The following DHRSX variants were observed in gnomAD, a reference collection of about 807,000 sequenced individuals.
DHRSX encodes polyprenol dehydrogenase.
A neutral mutation model predicts 34.0 loss-of-function variants in DHRSX; 31 were observed. That is an observed-to-expected ratio of 0.91 (90% CI 0.69 to 1.23). The LOEUF (loss-of-function observed/expected upper bound fraction) is 1.23. DHRSX is among the 50% of genes most tolerant of loss of function. The pLI, the probability that DHRSX is intolerant of heterozygous loss-of-function variation, is 0.00. For synonymous variants in DHRSX, 201 were observed against 183.8 expected, an observed-to-expected ratio of 1.09 and a Z score of -0.76; for missense variants, 414 against 428.1, an observed-to-expected ratio of 0.97 and a Z score of 0.29.
At position 2,491,865 on chromosome X, in the gene DHRSX, G is replaced by A. The variant is rs2045156004; in HGVS notation, c.109+8952C>T. Among the ~76,000 whole-genome samples the A allele has an allele frequency of 3.9e-5, 6 of 152,230 alleles. No individual in the cohort carries two copies. The South Asian group carries it at 1.0e-3, about 26-fold the overall frequency. The stretch of plus-strand genomic sequence containing the variant: ...GGAGGCTTAGATGACCCAGAAGCCA[G>A]TCCCCAGGGTTCCTGTTGAGGTTGA... On this transcript the variant is annotated intron_variant, in intron 1 of 6. Coordinates refer to ENST00000334651, the MANE Select transcript of DHRSX (RefSeq NM_145177.3).
intron 5 of DHRSX, among the ~76,000 whole-genome samples, chrX:2,246,706 G>GAGAAAGAAAGAAAGAA (rs997986324): frequency 0.014 from 1,460 of 107,422 alleles, 37 homozygotes; most frequent in East Asian, 0.058. Flanking sequence ...AAGAAAGAAA[G>GAGAAAGAAAGAAAGAA]AGAAAGAAAG....
chrX:2,425,356 A>C, intron 1 of DHRSX, 52 bp from the exon 2 acceptor site: 1 of 1,504,306 alleles, frequency 6.6e-7, no homozygotes, highest in Non-Finnish European at 9.2e-7. Flanking sequence ...AGCAGAGCAC[A>C]TATTTGTAAG....
At chrX:2,314,448 G>A (rs867165944) in intron 3 of DHRSX, among the ~76,000 whole-genome samples, 2 of 108,114 alleles carry the variant, frequency 1.8e-5, no homozygotes, top group African/African-American at 1.1e-4. Context: ...GAAGGAAGGG[G>A]AGAAGGGAGG....
At chrX:2,321,176 T>C (rs1301979516) in intron 3 of DHRSX, among the ~76,000 whole-genome samples, 3 of 152,148 alleles carry the variant, frequency 2.0e-5, no homozygotes, top group African/African-American at 7.2e-5. Flanking sequence ...TATAAATAAA[T>C]GTTTGCACTG....
intron 4 of DHRSX, among the ~76,000 whole-genome samples, chrX:2,286,689 G>T (rs1231449271): frequency 1.0e-5 from 1 of 95,356 alleles, no homozygotes; most frequent in Non-Finnish European, 2.8e-5. Flanking sequence ...TGTACCCACA[G>T]AGGAAAAAAA....
At chrX:2,387,784 G>A (rs1342746415) in intron 3 of DHRSX, among the ~76,000 whole-genome samples, 1 of 149,372 alleles carries the variant, frequency 6.7e-6, no homozygotes, top group Non-Finnish European at 1.5e-5. Context: ...GTTTACAGAG[G>A]AAATAGTTAG....
chrX:2,339,382 G>A (rs1404785512), intron 3 of DHRSX, among the ~76,000 whole-genome samples: 4 of 151,846 alleles, frequency 2.6e-5, no homozygotes, highest in Non-Finnish European at 5.9e-5. Flanking sequence ...AAGGTAATCC[G>A]CTCGCCTCAG....
At position 2,314,483 on chromosome X, in the gene DHRSX, A is replaced by AAGGAAGGAAGGG. The variant is rs1602927702; in HGVS notation, c.287-22881_287-22880insCCCTTCCTTCCT. On this transcript the variant is annotated intron_variant, in intron 3 of 6. Coordinates refer to ENST00000334651, the MANE Select transcript of DHRSX (RefSeq NM_145177.3). Reference sequence around the variant, plus strand: ...GAAGGAAGGGGAGAAGGAAGGAAGGAAGGAAGGGAGGTAAAGGAGGTAAGG... The same window carrying AAGGAAGGAAGGG: ...GAAGGAAGGGGAGAAGGAAGGAAGGAAGGAAGGAAGGGAGGAAGGGAGGTAAAGGAGGTAAGG... Among the ~76,000 whole-genome samples, 134 of 46,048 alleles carry AAGGAAGGAAGGG rather than the reference A, an allele frequency of 2.9e-3. 10 individuals carry two copies. The highest frequency in any genetic ancestry group is 4.2e-3 in the Non-Finnish European group (90 of 21,342). 30.2% of individuals were successfully genotyped at this position (46,048 alleles called of 152,430 possible).
intron 3 of DHRSX, among the ~76,000 whole-genome samples, chrX:2,305,316 C>T (rs1322762146): frequency 2.0e-5 from 3 of 151,870 alleles, no homozygotes; most frequent in Non-Finnish European, 2.9e-5. Flanking sequence ...GTTAGAAGGG[C>T]GATCATTAAA....
chrX:2,382,039 G>A (rs2043209769), intron 3 of DHRSX, among the ~76,000 whole-genome samples: 1 of 152,174 alleles, frequency 6.6e-6, no homozygotes. Context: ...CTCCTGCATA[G>A]TGCAAAACAT....
At chrX:2,233,493 A>T (rs139491051) in intron 6 of DHRSX, among the ~76,000 whole-genome samples, 4 of 152,196 alleles carry the variant, frequency 2.6e-5, no homozygotes, top group Non-Finnish European at 5.9e-5. Flanking sequence ...GCATCTTTGA[A>T]GTTCCAGACG....
intron 3 of DHRSX, among the ~76,000 whole-genome samples, chrX:2,393,086 T>C (rs1212257148): frequency 6.8e-6 from 1 of 147,316 alleles, no homozygotes; most frequent in African/African-American, 2.5e-5. Context: ...ATTTAATATA[T>C]ACATTGAACA....
intron 1 of DHRSX, among the ~76,000 whole-genome samples, chrX:2,452,350 T>A: frequency 6.6e-6 from 1 of 151,428 alleles, no homozygotes; most frequent in Non-Finnish European, 1.5e-5. Flanking sequence ...AGACGTTCCC[T>A]AGGCATGTGG....
chrX:2,236,634 G>A (rs1280757650), intron 6 of DHRSX, among the ~76,000 whole-genome samples: 3 of 152,150 alleles, frequency 2.0e-5, no homozygotes, highest in Admixed American at 1.3e-4. Context: ...GTTTCACCAC[G>A]TTGGCCAGGC....
intron 3 of DHRSX, among the ~76,000 whole-genome samples, chrX:2,315,771 C>A (rs1183167336): frequency 2.0e-5 from 3 of 152,122 alleles, no homozygotes; most frequent in African/African-American, 7.2e-5. Flanking sequence ...TCAGACAAAG[C>A]TGAGATGACA....
At chrX:2,469,094 C>T (rs1303821757) in intron 1 of DHRSX, among the ~76,000 whole-genome samples, 1 of 151,744 alleles carries the variant, frequency 6.6e-6, no homozygotes, top group South Asian at 2.1e-4. Context: ...GGCTAAGGGA[C>T]CACTGCCATG....
chrX:2,332,339 A>AGGAAGGGAAG (rs371485991), intron 3 of DHRSX, among the ~76,000 whole-genome samples: 2 of 152,190 alleles, frequency 1.3e-5, no homozygotes, highest in Non-Finnish European at 2.9e-5. Flanking sequence ...GAAATATGCC[A>AGGAAGGGAAG]GGAAGGGAAG....
intron 5 of DHRSX, among the ~76,000 whole-genome samples, chrX:2,243,799 T>TGTTTTGTTTTG (rs1485746466): frequency 1.3e-3 from 30 of 23,342 alleles, no homozygotes; most frequent in Non-Finnish European, 4.4e-3. Flanking sequence ...TTTTTTTTTT[T>TGTTTTGTTTTG]TTTTTTTTTT....
intron 3 of DHRSX, among the ~76,000 whole-genome samples, chrX:2,307,862 G>C (rs2042118938): frequency 6.6e-6 from 1 of 151,904 alleles, no homozygotes; most frequent in South Asian, 2.1e-4. Context: ...CAAGACACCA[G>C]GGTGATCTGC....
Sources: allele counts gnomAD v4.1 joint callset (sites outside exome capture counted in the v4.1 genomes callset), GRCh38; gene constraint gnomAD v4.1.1; transcripts MANE v1.5; gene names NCBI Gene and HGNC (gene_info 2026-07-23, HGNC 2026-07-21).